The following MYLK2 variants were observed in gnomAD, a reference collection of about 807,000 sequenced individuals.
The protein encoded by MYLK2 is myosin light chain kinase 2.
MYLK2 carries 27 observed loss-of-function variants against 58.2 expected under a neutral mutation model. The ratio of observed to expected loss-of-function variants is 0.46; its 90% CI spans 0.34 to 0.64. The LOEUF (loss-of-function observed/expected upper bound fraction) is 0.64. Ranked by LOEUF, MYLK2 falls within the 30% of genes least tolerant of loss-of-function variation. The pLI is 0.01. For synonymous variants in MYLK2, 310 were observed against 296.7 expected (o/e 1.04, Z -0.46); for missense variants, 676 against 764.3 (o/e 0.88, Z 1.36).
intron 8 of MYLK2, chr20:31,828,729 C>T (rs746255316): frequency 4.1e-6 from 4 of 985,322 alleles, no homozygotes; most frequent in Non-Finnish European, 4.8e-6. Flanking sequence ...TGCTCTGTGC[C>T]CGACACTGTC....
Position 31,834,044 on chromosome 20 carries a change from G to A in MYLK2, c.*247G>A, listed in dbSNP as rs1600415717. 5.5e-6 allele frequency: 3 copies of A among 548,764 alleles called. No homozygotes were observed. The highest frequency in any genetic ancestry group is 3.1e-5 in the Admixed American group (1 of 32,220). The allele number at this position is 548,764 out of a possible 1,614,324, so 34.0% of individuals were successfully genotyped here. A position where few individuals can be genotyped will look rare whatever the true frequency, so the allele number is the denominator to read the frequency against. On this transcript the variant is annotated 3_prime_UTR_variant, in exon 13 of 13. Transcript: ENST00000375985. The stretch of plus-strand genomic sequence containing the variant: ...TCCCCAGACAGGGCTCCAGCCTGTC[G>A]GCCACACCCCAGACTCCAGGCCCCC...
rs1310164094 is a variant in MYLK2, at chr20:31,820,148, A to G, written c.75A>G (p.Thr25=). ...CAGACAAGGCACCTAAAGGTCCCACAGGTGAAAGACCCCTGGCTGCAGGGA... is the reference window on the plus strand; with the variant it reads ...CAGACAAGGCACCTAAAGGTCCCACGGGTGAAAGACCCCTGGCTGCAGGGA... The part of the protein sequence containing the change: ...PSTDKAPKGP[T]GERPLAAGKD... Residue 25 remains threonine (T), a synonymous_variant, in exon 3 of 13, where the codon ACA becomes ACG. Transcript: ENST00000375985. The G allele has an allele frequency of 3.1e-6, 5 of 1,613,792 alleles. No homozygotes were observed. Among genetic ancestry groups the G allele is most frequent in the African/African-American group, 1.3e-5 (1 of 74,928 alleles).
chr20:31,827,452 A>G (rs2062286302), intron 8 of MYLK2: 3 of 985,452 alleles, frequency 3.0e-6, no homozygotes, highest in Non-Finnish European at 3.6e-6. Flanking sequence ...TCAAATAAGT[A>G]TAGTGTCAGC....
chr20:31,831,747 C>T lies in MYLK2; in HGVS notation c.1469C>T (p.Thr490Ile), dbSNP rs1424995826. 1 of 1,614,106 alleles carries T rather than the reference C, an allele frequency of 6.2e-7. No homozygotes were observed. The highest frequency in any genetic ancestry group is 8.5e-7 in the Non-Finnish European group (1 of 1,179,998). Residue 490 changes from threonine to isoleucine, a missense_variant, in exon 11 of 13, where the codon ACC (threonine) becomes ATC (isoleucine). Thr to Ile is a moderately conservative substitution (Grantham distance 89). Around this residue, in one of 2 missense-constraint regions of MYLK2, gnomAD observed 370 missense variants for 467.8 expected, o/e 0.79. Transcript: ENST00000375985. The stretch of plus-strand genomic sequence containing the variant: ...TTCCTGGGAGATGATGACACAGAGA[C>T]CCTAAACAACGTTCTATCTGGCAAC... ...SPFLGDDDTE[T>I]LNNVLSGNWY...
At chr20:31,822,965 C>T (rs2062258633) in intron 4 of MYLK2, among the ~76,000 whole-genome samples, 1 of 152,162 alleles carries the variant, frequency 6.6e-6, no homozygotes, top group South Asian at 2.1e-4. Flanking sequence ...GCGAGCGGTT[C>T]CCCACACTTG....
rs1162572034 is a variant in MYLK2 at position 31,820,131 on chromosome 20, G to A, written c.58G>A (p.Ala20Thr). 1.9e-6 allele frequency: 3 copies of A among 1,613,738 alleles called. No homozygotes were observed. Among genetic ancestry groups the A allele is most frequent in the Non-Finnish European group, 2.5e-6 (3 of 1,180,016 alleles). Reference protein sequence around the residue: ...LGIQNPSTDKAPKGPTGERPL... With the variant: ...LGIQNPSTDKTPKGPTGERPL... ...GTGTCTCACCTCCTCTGCAGACAAG[G>A]CACCTAAAGGTCCCACAGGTGAAAG... Residue 20 changes from alanine to threonine, a missense_variant, in exon 3 of 13, where the codon GCA becomes ACA. Physicochemically the swap from Ala to Thr is moderately conservative, Grantham distance 58. This residue lies in a region of MYLK2 where 306 missense variants were observed against 296.5 expected (regional missense o/e 1.03). Transcript: ENST00000375985.
In MYLK2 at chr20:31,833,783, GC is replaced by G; in HGVS notation, c.1778del (p.Ala593ValfsTer41). 1.2e-6 allele frequency: 2 copies of G among 1,613,090 alleles called. No homozygotes were observed. Among genetic ancestry groups the G allele is most frequent in the Non-Finnish European group, 8.5e-7 (1 of 1,179,970 alleles). On this transcript the variant is annotated frameshift_variant, in exon 13 of 13. Transcript: ENST00000375985. LOFTEE classifies it high-confidence loss of function. ...GATCAGCAGCTCGGGGGCACTGATG[GC>G]TCTGGGGGTCTGAGCCCTGGGCGCA... Reference protein sequence around the residue: ...KKISSSGALMALGV With the variant: ...KKISSSGALMXLGV
At chr20:31,831,955 G>T (rs1220817799) in intron 11 of MYLK2, 49 bp from the exon 12 acceptor site, 1 of 1,612,756 alleles carries the variant, frequency 6.2e-7, no homozygotes, top group East Asian at 2.2e-5. Flanking sequence ...TGAGCCCCTG[G>T]GGCCTCACGA....
chr20:31,832,084 G>T lies in MYLK2; in HGVS notation c.1658G>T (p.Arg553Leu), dbSNP rs752670235. Residue 553 changes from arginine (R) to leucine (L), a missense_variant, in exon 12 of 13, where the codon CGC becomes CTC. This residue lies in a region of MYLK2 where 370 missense variants were observed against 467.8 expected (regional missense o/e 0.79). Coordinates refer to ENST00000375985, the MANE Select transcript of MYLK2 (RefSeq NM_033118.4). ...LAEKAKRCNRRLKSQILLKKY... is the reference protein window; with the variant it reads ...LAEKAKRCNRLLKSQILLKKY... ...GAGAAAGCCAAACGCTGTAACCGAC[G>T]CCTTAAGTCCCAGATCTTGCTTAAG... The T allele has an allele frequency of 2.5e-6, 4 of 1,608,948 alleles. No homozygotes were observed. Among genetic ancestry groups the T allele is most frequent in the Non-Finnish European group, 2.5e-6 (3 of 1,177,746 alleles).
chr20:31,828,430 G>A (rs1001906404), intron 8 of MYLK2: 1 of 985,374 alleles, frequency 1.0e-6, no homozygotes, highest in Non-Finnish European at 1.2e-6. Flanking sequence ...AGCATATGCT[G>A]GGTACTTTCC....
At position 31,823,463 on chromosome 20, in the gene MYLK2, G is replaced by T. The variant is rs1307999330; in HGVS notation, c.773-14G>T. On this transcript the variant is annotated splice_polypyrimidine_tract_variant and intron_variant, in intron 4 of 12. Coordinates refer to ENST00000375985, the MANE Select transcript of MYLK2 (RefSeq NM_033118.4). ...CCCTGGCACTGACCATGAGGGCTGT[G>T]CTCTGTCCCCCAGATGATTGCCCGC... 2 of 1,609,454 alleles carry T rather than the reference G, an allele frequency of 1.2e-6. No homozygotes were observed. The highest frequency in any genetic ancestry group is 8.5e-7 in the Non-Finnish European group (1 of 1,178,292).
intron 12 of MYLK2, among the ~76,000 whole-genome samples, chr20:31,832,961 C>T (rs913950061): frequency 6.6e-5 from 10 of 152,174 alleles, no homozygotes; most frequent in African/African-American, 2.2e-4. Context: ...TATCATGGCT[C>T]ACTGTAGTCT....
At chr20:31,827,023 C>T in intron 8 of MYLK2, 85 bp downstream of exon 8, 1 of 1,587,848 alleles carries the variant, frequency 6.3e-7, no homozygotes, top group Admixed American at 1.8e-5. Flanking sequence ...TCCCTCTGCC[C>T]TCCCATCCCT....
intron 6 of MYLK2, among the ~76,000 whole-genome samples, chr20:31,824,755 C>G (rs2062270245): frequency 6.6e-6 from 1 of 152,190 alleles, no homozygotes; most frequent in Non-Finnish European, 1.5e-5. Flanking sequence ...AGCTTTGCCT[C>G]TAGTACCCAC....
chr20:31,821,361 T>C lies in MYLK2; in HGVS notation c.474-78T>C, dbSNP rs1010493301. 34 of 1,577,608 alleles carry C rather than the reference T, an allele frequency of 2.2e-5. No individual in the cohort carries two copies. In the East Asian group the frequency reaches 7.6e-4, roughly 35 times the overall value. ...ATTTGGGGTGGGGTTGGATTAGCTC[T>C]GCAGATTGCATTGAGACTTGCCTGA... On this transcript the variant is annotated intron_variant, in intron 3 of 12. Transcript: ENST00000375985.
In MYLK2 at chr20:31,826,865, T is replaced by C; in HGVS notation, c.1151T>C (p.Met384Thr). The C allele has an allele frequency of 6.2e-7, 1 of 1,614,050 alleles. No homozygotes were observed. The highest frequency in any genetic ancestry group is 8.5e-7 in the Non-Finnish European group (1 of 1,179,998). ...TACCATCTGACCGAGGTGGACACCA[T>C]GGTGTTTGTCAGGCAGATCTGTGAC... ...EDYHLTEVDT[M>T]VFVRQICDGI... is the part of the protein sequence containing the mutation. Residue 384 changes from methionine (M) to threonine (T), a missense_variant, in exon 8 of 13, where the codon ATG (methionine) becomes ACG (threonine). By Grantham distance (81) the Met-to-Thr change is moderately conservative. Transcript: ENST00000375985.
intron 10 of MYLK2, 146 bp from the exon 11 acceptor site, chr20:31,831,557 A>T: frequency 1.1e-6 from 1 of 891,374 alleles, no homozygotes. Flanking sequence ...AGCCAGATTC[A>T]AACCCAGGTC....
Position 31,820,227 on chromosome 20 carries a change from A to G in MYLK2, c.154A>G (p.Lys52Glu), listed in dbSNP as rs1412252474. The change falls in exon 3 of 13, where the codon AAA becomes GAA. Residue 52 changes from lysine (K) to glutamate (E), a missense_variant. Transcript: ENST00000375985. Reference sequence around the variant, plus strand: ...AGCTCCGGATCCACCCACCCTGAAGAAAGATGCCAAAGCCCCTGCCTCAGA... The same window carrying G: ...AGCTCCGGATCCACCCACCCTGAAGGAAGATGCCAAAGCCCCTGCCTCAGA... ...KKAPDPPTLKKDAKAPASEKG... is the reference protein window; with the variant it reads ...KKAPDPPTLKEDAKAPASEKG... 1.2e-6 allele frequency: 2 copies of G among 1,613,918 alleles called. No homozygotes were observed. Among genetic ancestry groups the G allele is most frequent in the Non-Finnish European group, 1.7e-6 (2 of 1,180,024 alleles).
At position 31,823,513 on chromosome 20, in the gene MYLK2, G is replaced by T. The variant is rs146485342; in HGVS notation, c.809G>T (p.Arg270Leu). The change falls in exon 5 of 13, where the codon CGC becomes CTC. Residue 270 changes from arginine (R) to leucine (L), a missense_variant. This residue lies in a region of MYLK2 where 370 missense variants were observed against 467.8 expected (regional missense o/e 0.79). Transcript: ENST00000375985. The stretch of plus-strand genomic sequence containing the variant: ...CCACCTCCGGCCCCCTTCCCTCACC[G>T]CATGGTGGAGCTGAGGACCGGGAAT... ...CPPPPAPFPH[R>L]MVELRTGNVS... 7.4e-6 allele frequency: 12 copies of T among 1,613,640 alleles called. No individual in the cohort carries two copies. In the African/African-American group the frequency reaches 1.3e-4, roughly 18 times the overall value.
Sources: allele counts gnomAD v4.1 joint callset (sites outside exome capture counted in the v4.1 genomes callset), GRCh38; gene constraint gnomAD v4.1.1; regional missense constraint gnomAD v4.1.1; transcripts MANE v1.5; gene names NCBI Gene and HGNC (gene_info 2026-07-23, HGNC 2026-07-21).